Variants in ZNF14 observed in about 807,000 individuals in gnomAD.
ZNF14 encodes the protein zinc finger protein 14.
In ZNF14, 9 loss-of-function variants were observed where a neutral mutation model predicts 11.3. The observed-to-expected ratio is 0.80, with a 90% CI of 0.48 to 1.39. The LOEUF (loss-of-function observed/expected upper bound fraction) is 1.39. ZNF14 is among the 40% of genes most tolerant of loss of function. The pLI is 0.00. For synonymous variants in ZNF14, 239 were observed against 245.7 expected, an observed-to-expected ratio of 0.97 and a Z score of 0.25; for missense variants, 711 against 763.9, an observed-to-expected ratio of 0.93 and a Z score of 0.82.
At chr19:19,721,031 C>T (rs927028956) in intron 1 of ZNF14, among the ~76,000 whole-genome samples, 2 of 152,240 alleles carry the variant, frequency 1.3e-5, no homozygotes, top group African/African-American at 2.4e-5. Flanking sequence ...GATCTTGGCT[C>T]ACTGCAACCT....
chr19:19,712,389 T>C lies in ZNF14; in HGVS notation c.892A>G (p.Lys298Glu). 1 of 1,610,490 alleles carries C rather than the reference T, an allele frequency of 6.2e-7. No homozygotes were observed. Among genetic ancestry groups the C allele is most frequent in the Non-Finnish European group, 8.5e-7 (1 of 1,179,070 alleles). The stretch of plus-strand genomic sequence containing the variant: ...GGTTTCTCTCCACTATGAGTCCTTT[T>C]ATGCCTTCGAAAAGAACTGAGAAAA... The part of the protein sequence containing the change: ...FSFLSSFRRH[K>E]RTHSGEKPYE... Residue 298 changes from lysine to glutamate, a missense_variant, in exon 4 of 4, where the codon AAA becomes GAA. Transcript: ENST00000344099.
Position 19,711,676 on chromosome 19 carries a change from T to C in ZNF14, c.1605A>G (p.Gln535=), listed in dbSNP as rs141657439. ...HTGNKPFECK[Q]CGKAFLRSSQ... is the part of the protein sequence containing the mutation. ...TGGAACGAAGGAAGGCCTTACCACA[T>C]TGCTTACACTCAAAAGGCTTATTTC... The change falls in exon 4 of 4, where the codon CAA becomes CAG. Residue 535 remains glutamine, a synonymous_variant. Transcript: ENST00000344099. The C allele has an allele frequency of 1.8e-5, 29 of 1,613,864 alleles. No homozygotes were observed. Among genetic ancestry groups the C allele is most frequent in the Middle Eastern group, 1.6e-4 (1 of 6,084 alleles).
chr19:19,712,605 T>TAA lies in ZNF14; in HGVS notation c.675_676insTT (p.Lys226LeufsTer102). 7 of 1,613,854 alleles carry TAA rather than the reference T, an allele frequency of 4.3e-6. No individual in the cohort carries two copies. Among genetic ancestry groups the TAA allele is most frequent in the Non-Finnish European group, 5.9e-6 (7 of 1,179,942 alleles). On this transcript the variant is annotated frameshift_variant, in exon 4 of 4. Coordinates refer to ENST00000344099, the MANE Select transcript of ZNF14 (RefSeq NM_021030.3). LOFTEE classifies it low-confidence loss of function (END_TRUNC). ...CATATAAAGGCTTTCCCACACTGTT[T>TAA]ACATTCATAGGGTTTCTTTCCAGTA...
chr19:19,731,195 A>T (rs2062422166), intron 1 of ZNF14, among the ~76,000 whole-genome samples: 1 of 152,214 alleles, frequency 6.6e-6, no homozygotes. Context: ...TAGTATTCCA[A>T]TTCTGAAAAA....
At position 19,711,762 on chromosome 19, in the gene ZNF14, G is replaced by C. The variant is rs1254380318; in HGVS notation, c.1519C>G (p.Leu507Val). ...GAAAAACTGAAGGTTTTACCGCATA[G>C]TTTACATTCATAGGGTTTCTCTCCA... ...HTGEKPYECKLCGKTFSFSSS... is the reference protein window; with the variant it reads ...HTGEKPYECKVCGKTFSFSSS... The change falls in exon 4 of 4, where the codon CTA becomes GTA. Residue 507 changes from leucine (L) to valine (V), a missense_variant. Leu to Val is a conservative substitution (Grantham distance 32). Coordinates refer to ENST00000344099, the MANE Select transcript of ZNF14 (RefSeq NM_021030.3). The C allele has an allele frequency of 6.2e-7, 1 of 1,613,612 alleles. No individual in the cohort carries two copies. The highest frequency in any genetic ancestry group is 1.7e-5 in the Admixed American group (1 of 59,998).
chr19:19,722,857 T>C (rs1336638083), intron 1 of ZNF14, among the ~76,000 whole-genome samples: 1 of 152,236 alleles, frequency 6.6e-6, no homozygotes, highest in Non-Finnish European at 1.5e-5. Flanking sequence ...CAATTGTGAA[T>C]GGGAGTTCAC....
chr19:19,717,609 T>C (rs963241045), intron 1 of ZNF14, among the ~76,000 whole-genome samples: 3 of 152,350 alleles, frequency 2.0e-5, no homozygotes, highest in East Asian at 3.9e-4. Flanking sequence ...CTAAGAGTGC[T>C]GCTTTGCAAA....
Position 19,712,748 on chromosome 19 carries a change from A to C in ZNF14, c.533T>G (p.Phe178Cys), listed in dbSNP as rs150509914. 2.2e-4 allele frequency: 351 copies of C among 1,613,490 alleles called. 1 individual carries two copies. Among genetic ancestry groups the C allele is most frequent in the South Asian group, 5.4e-4 (49 of 90,964 alleles). ...TCTTTGAAATGGCTGGTAATATATA[A>C]AGGCTTTCCCACACTGTTTACATTC... ...PYECKQCGKAFIYYQPFQRHE... is the reference protein window; with the variant it reads ...PYECKQCGKACIYYQPFQRHE... The change falls in exon 4 of 4, where the codon TTT becomes TGT. Residue 178 changes from phenylalanine (F) to cysteine (C), a missense_variant. Transcript: ENST00000344099.
At chr19:19,728,895 T>G (rs2062414475) in intron 1 of ZNF14, among the ~76,000 whole-genome samples, 1 of 152,044 alleles carries the variant, frequency 6.6e-6, no homozygotes, top group South Asian at 2.1e-4. Context: ...AAGTCAAACT[T>G]ATTTGACAGA....
Position 19,713,087 on chromosome 19 carries a change from C to T in ZNF14, c.194G>A (p.Cys65Tyr). 6.4e-7 allele frequency: 1 copy of T among 1,562,628 alleles called. No homozygotes were observed. Among genetic ancestry groups the T allele is most frequent in the Non-Finnish European group, 8.6e-7 (1 of 1,157,470 alleles). The change falls in exon 4 of 4, where the codon TGT becomes TAT. Residue 65 changes from cysteine to tyrosine, a missense_variant and splice_region_variant. Transcript: ENST00000344099. ...DHRNQGKNRRCHMVERLCESR... is the reference protein window; with the variant it reads ...DHRNQGKNRRYHMVERLCESR... ...TTCACAGAGTCTCTCAACCATATGA[C>T]ATCTGTAAAAAATGAATAGCACATT...
intron 1 of ZNF14, among the ~76,000 whole-genome samples, chr19:19,717,444 C>G (rs2062381001): frequency 6.6e-6 from 1 of 152,138 alleles, no homozygotes; most frequent in Non-Finnish European, 1.5e-5. Context: ...ATGAAGGTCC[C>G]AACACACAGA....
At chr19:19,717,255 A>G (rs1177233365) in intron 1 of ZNF14, among the ~76,000 whole-genome samples, 2 of 152,136 alleles carry the variant, frequency 1.3e-5, no homozygotes, top group Non-Finnish European at 2.9e-5. Context: ...CAGGAGAGTG[A>G]TATACTTAGC....
intron 1 of ZNF14, 111 bp from the exon 2 acceptor site, chr19:19,714,598 G>C: frequency 7.7e-7 from 1 of 1,304,866 alleles, no homozygotes; most frequent in Non-Finnish European, 1.0e-6. Flanking sequence ...CAAACATTTG[G>C]TGTATGACTC....
chr19:19,730,231 T>C (rs1447612357), intron 1 of ZNF14, among the ~76,000 whole-genome samples: 1 of 152,124 alleles, frequency 6.6e-6, no homozygotes, highest in Non-Finnish European at 1.5e-5. Context: ...TTCACTATGT[T>C]GGTCAGGGTG....
chr19:19,712,518 G>A lies in ZNF14; in HGVS notation c.763C>T (p.Gln255Ter), dbSNP rs1442590921. Residue 255 changes from glutamine to a stop codon, truncating the protein, a stop_gained, in exon 4 of 4, where the codon CAA becomes TAA. Coordinates refer to ENST00000344099, the MANE Select transcript of ZNF14 (RefSeq NM_021030.3). LOFTEE classifies it low-confidence loss of function (END_TRUNC). The stretch of plus-strand genomic sequence containing the variant: ...GGACAACTGAAAGCCTTACCACATT[G>A]CTTACATTCATAGGGTTTCTCTCCA... ...HTGEKPYECK[Q>*]CGKAFSCPTY... The A allele has an allele frequency of 6.8e-6, 11 of 1,613,004 alleles. No individual in the cohort carries two copies. The highest frequency in any genetic ancestry group is 9.3e-6 in the Non-Finnish European group (11 of 1,179,790).
chr19:19,720,092 T>G lies in ZNF14; in HGVS notation c.4-5605A>C, dbSNP rs2062388629. On this transcript the variant is annotated intron_variant, in intron 1 of 3. Coordinates refer to ENST00000344099, the MANE Select transcript of ZNF14 (RefSeq NM_021030.3). This position sits in a 1 kb window ranked among gnomAD's most constrained non-coding sequence, Gnocchi z 4.1. ...TGGCAAAATAATGAGGCAAAACTGA[T>G]GGAACGGCAGGGAGAACTGCATGGA... Among the ~76,000 whole-genome samples, 1 of 152,098 alleles carries G rather than the reference T, an allele frequency of 6.6e-6. No homozygotes were observed.
intron 1 of ZNF14, among the ~76,000 whole-genome samples, chr19:19,715,630 G>A (rs1292113140): frequency 2.0e-5 from 3 of 152,186 alleles, no homozygotes; most frequent in Non-Finnish European, 4.4e-5. Context: ...TACGACTTGA[G>A]ATTATCTGTT....
rs2062402234 is a variant in ZNF14 at position 19,724,774 on chromosome 19, G to A, written c.3+8182C>T. Among the ~76,000 whole-genome samples, 7 of 133,376 alleles carry A rather than the reference G, an allele frequency of 5.2e-5. 2 individuals are homozygous for A. The highest frequency in any genetic ancestry group is 1.7e-4 in the African/African-American group (6 of 36,220). 87.5% of individuals were successfully genotyped at this position (133,376 alleles called of 152,430 possible). On this transcript the variant is annotated intron_variant, in intron 1 of 3. Transcript: ENST00000344099. ...ATGAATCTGGGTGCTCCTGTATTGGGTGCATATATATTTAGGATAGTTAGC... is the reference window on the plus strand; with the variant it reads ...ATGAATCTGGGTGCTCCTGTATTGGATGCATATATATTTAGGATAGTTAGC...
intron 1 of ZNF14, among the ~76,000 whole-genome samples, chr19:19,717,250 GAGTGAT>G (rs1006946701): frequency 6.6e-6 from 1 of 152,126 alleles, no homozygotes; most frequent in African/African-American, 2.4e-5. Flanking sequence ...GAAGTCAGGA[GAGTGAT>G]ATACTTAGCA....
Sources: gnomAD v4.1 joint callset for allele counts (sites outside exome capture counted in the v4.1 genomes callset) on GRCh38, gnomAD v4.1.1 for gene constraint, Gnocchi (gnomAD v3.1) non-coding constraint, MANE v1.5 for transcripts, NCBI Gene and HGNC (gene_info 2026-07-23, HGNC 2026-07-21) for gene names.